Variants in STK24 observed in about 807,000 individuals in gnomAD.
The protein encoded by STK24 is serine/threonine kinase 24.
A neutral mutation model predicts 55.6 loss-of-function variants in STK24; 21 were observed. That is an observed-to-expected ratio of 0.38 (90% CI 0.27 to 0.54). The LOEUF (loss-of-function observed/expected upper bound fraction) is 0.54. Ranked by LOEUF, STK24 falls within the 20% of genes least tolerant of loss-of-function variation. The probability of loss-of-function intolerance (pLI) is 0.79; values close to 1 mark genes in which losing one functional copy is unlikely to be tolerated. For missense variants in STK24, 383 were observed against 538.4 expected, an observed-to-expected ratio of 0.71 and a Z score of 2.86; for synonymous variants, 200 against 215.2, an observed-to-expected ratio of 0.93 and a Z score of 0.62.
At chr13:98,567,370 C>G (rs369678698) in intron 1 of STK24, among the ~76,000 whole-genome samples, 7 of 152,232 alleles carry the variant, frequency 4.6e-5, no homozygotes, top group Non-Finnish European at 8.8e-5. Context: ...ACTGATGCCA[C>G]CTCCGCCCTG....
At chr13:98,508,796 A>C (rs571399563) in intron 2 of STK24, 1 of 152,204 alleles carries the variant, frequency 6.6e-6, no homozygotes, top group Admixed American at 6.5e-5. Flanking sequence ...GCCACGCCTC[A>C]TATTTTATTC....
At chr13:98,569,415 A>AAC (rs1367404955) in intron 1 of STK24, among the ~76,000 whole-genome samples, 1 of 29,922 alleles carries the variant, frequency 3.3e-5, no homozygotes, top group African/African-American at 8.4e-5. Flanking sequence ...AGCAGAGACA[A>AAC]AAAAAAAAAA....
At chr13:98,474,122 C>T (rs1894271158) in intron 5 of STK24, among the ~76,000 whole-genome samples, 1 of 152,112 alleles carries the variant, frequency 6.6e-6, no homozygotes, top group Non-Finnish European at 1.5e-5. Flanking sequence ...AGGCAAAGTC[C>T]CGGGATTTTT....
chr13:98,479,753 T>C (rs1894515761), intron 3 of STK24, among the ~76,000 whole-genome samples: 2 of 152,128 alleles, frequency 1.3e-5, no homozygotes, highest in Non-Finnish European at 2.9e-5. Flanking sequence ...GGCCCGGTGC[T>C]GTGGATGTGG....
intron 2 of STK24, among the ~76,000 whole-genome samples, chr13:98,483,738 T>C (rs1894694381): frequency 6.6e-6 from 1 of 152,232 alleles, no homozygotes; most frequent in African/African-American, 2.4e-5. Context: ...ACAGCGCTGG[T>C]GTGCTCGAGC....
chr13:98,488,589 G>C (rs897932173), intron 2 of STK24, among the ~76,000 whole-genome samples: 4 of 151,972 alleles, frequency 2.6e-5, no homozygotes, highest in Non-Finnish European at 5.9e-5. Flanking sequence ...TCTGTAATAG[G>C]AGCTGCAAAC....
At chr13:98,571,538 A>T (rs999203046) in intron 1 of STK24, among the ~76,000 whole-genome samples, 2 of 152,196 alleles carry the variant, frequency 1.3e-5, no homozygotes, top group Non-Finnish European at 2.9e-5. Flanking sequence ...AATTTAAAAA[A>T]ACCTTGTGAC....
rs1326691483 is a variant in STK24, at chr13:98,488,575, G to A, written c.274-6254C>T. On this transcript the variant is annotated intron_variant, in intron 2 of 10. Transcript: ENST00000539966. ...AGTTTTTAACATATTGGGAAAGTTC[G>A]CCTTCTGTAATAGGAGCTGCAAACA... 7.9e-5 allele frequency among the ~76,000 whole-genome samples: 12 copies of A among 151,994 alleles called. No homozygotes were observed. In the East Asian group the frequency reaches 9.7e-4, roughly 12 times the overall value.
At chr13:98,537,111 C>T (rs1896758434) in intron 1 of STK24, among the ~76,000 whole-genome samples, 2 of 152,206 alleles carry the variant, frequency 1.3e-5, no homozygotes, top group Admixed American at 1.3e-4. Context: ...CTCCTTGAGT[C>T]CTCAAGCCAG....
At chr13:98,572,134 G>C (rs1897758807) in intron 1 of STK24, among the ~76,000 whole-genome samples, 1 of 152,194 alleles carries the variant, frequency 6.6e-6, no homozygotes, top group South Asian at 2.1e-4. Context: ...CTCAGTCACT[G>C]CAACCTTCTT....
At chr13:98,468,231 G>A (rs1471644810) in intron 5 of STK24, among the ~76,000 whole-genome samples, 3 of 152,216 alleles carry the variant, frequency 2.0e-5, no homozygotes, top group African/African-American at 7.2e-5. Flanking sequence ...CAGTGAAGAT[G>A]AAAAGCTGCC....
rs1356984386 is a variant in STK24, at chr13:98,445,605, G to C, written c.*7568C>G. 1 of 153,568 alleles carries C rather than the reference G, an allele frequency of 6.5e-6. No homozygotes were observed. The highest frequency in any genetic ancestry group is 1.4e-5 in the Non-Finnish European group (1 of 69,196). 9.5% of individuals were successfully genotyped at this position (153,568 alleles called of 1,614,324 possible). A position where few individuals can be genotyped will look rare whatever the true frequency, so the allele number is the denominator to read the frequency against. On this transcript the variant is annotated 3_prime_UTR_variant, in exon 11 of 11. Transcript: ENST00000539966. Reference sequence around the variant, plus strand: ...TCAAAACGAGTGCTGCTCTGAGCTTGTTGGGATGGATCTTTCCCTCCTTCA... The same window carrying C: ...TCAAAACGAGTGCTGCTCTGAGCTTCTTGGGATGGATCTTTCCCTCCTTCA...
Position 98,448,040 on chromosome 13 carries a change from G to C in STK24, c.*5133C>G, listed in dbSNP as rs779588324. ...AGGTACTTCCAGCTCCACACTGAGT[G>C]AGTGCCCAGGCCAGTGGGTCTCCAC... On this transcript the variant is annotated 3_prime_UTR_variant, in exon 11 of 11. Transcript: ENST00000539966. 61 of 602,312 alleles carry C rather than the reference G, an allele frequency of 1.0e-4. No individual in the cohort carries two copies. The highest frequency in any genetic ancestry group is 1.8e-4 in the Non-Finnish European group (60 of 334,518). The allele number at this position is 602,312 out of a possible 1,614,324, so 37.3% of individuals were successfully genotyped here.
intron 2 of STK24, among the ~76,000 whole-genome samples, chr13:98,509,933 TA>T (rs1338854773): frequency 1.3e-5 from 2 of 152,252 alleles, no homozygotes; most frequent in Non-Finnish European, 2.9e-5. Context: ...ATGTAAGTAA[TA>T]AGTCTTTGAA....
In STK24 at chr13:98,448,079, C is replaced by T. The variant is rs143065489; in HGVS notation, c.*5094G>A. ...GTGGGTCTCCACTGTACCTCAGGAA[C>T]GCCTGGGTGCTGGCTGTTCCCTTGC... is the stretch of plus-strand genomic sequence containing the variant. On this transcript the variant is annotated 3_prime_UTR_variant, in exon 11 of 11. Coordinates refer to ENST00000539966, the MANE Select transcript of STK24 (RefSeq NM_001032296.4). 707 of 661,002 alleles carry T rather than the reference C, an allele frequency of 1.1e-3. 9 individuals are homozygous for T. The East Asian group carries it at 0.016, about 15-fold the overall frequency. The allele number at this position is 661,002 out of a possible 1,614,324, so 40.9% of individuals were successfully genotyped here.
intron 2 of STK24, among the ~76,000 whole-genome samples, chr13:98,483,228 C>T (rs1894668678): frequency 6.6e-6 from 1 of 152,248 alleles, no homozygotes; most frequent in Admixed American, 6.5e-5. Context: ...TCCTGAGCTT[C>T]TGCACGAGGC....
At chr13:98,555,681 CTT>C (rs371915680) in intron 1 of STK24, among the ~76,000 whole-genome samples, 12 of 129,216 alleles carry the variant, frequency 9.3e-5, no homozygotes, top group Middle Eastern at 4.8e-3. Flanking sequence ...GCCTCCCTGT[CTT>C]TTTTTTTTTT....
intron 9 of STK24, among the ~76,000 whole-genome samples, chr13:98,459,152 C>T (rs1390266884): frequency 6.6e-6 from 1 of 152,162 alleles, no homozygotes; most frequent in Non-Finnish European, 1.5e-5. Context: ...ATGGCAGGGC[C>T]GCAGGAGCAC....
intron 5 of STK24, among the ~76,000 whole-genome samples, chr13:98,470,338 C>T (rs1894096061): frequency 6.6e-6 from 1 of 151,996 alleles, no homozygotes; most frequent in Non-Finnish European, 1.5e-5. Flanking sequence ...GCTTTGTTGC[C>T]CAGGTTGGTC....
Sources: gnomAD v4.1 joint callset for allele counts (sites outside exome capture counted in the v4.1 genomes callset) on GRCh38, gnomAD v4.1.1 for gene constraint, MANE v1.5 for transcripts, NCBI Gene and HGNC (gene_info 2026-07-23, HGNC 2026-07-21) for gene names.